Variants in DHX57 observed in about 807,000 individuals in gnomAD.
DHX57 encodes DExH-box helicase 57, also known as putative ATP-dependent RNA helicase DHX57.
A neutral mutation model predicts 156.2 loss-of-function variants in DHX57; 105 were observed. The observed-to-expected ratio is 0.67, with a 90% CI of 0.57 to 0.79. DHX57 has a LOEUF of 0.79. DHX57 is among the 30% of genes least tolerant of loss of function. DHX57 has a pLI of 0.00. For missense variants in DHX57, 1,847 were observed against 1,661.9 expected (o/e 1.11, Z -1.94); for synonymous variants, 704 against 595.6 (o/e 1.18, Z -2.65).
At chr2:38,820,514 A>G (rs1670757797) in intron 17 of DHX57, among the ~76,000 whole-genome samples, 1 of 152,148 alleles carries the variant, frequency 6.6e-6, no homozygotes, top group Admixed American at 6.6e-5. Context: ...GGAAAAGGTA[A>G]TAGAAGTCCT....
intron 16 of DHX57, among the ~76,000 whole-genome samples, chr2:38,824,707 G>T (rs1438160402): frequency 6.6e-6 from 1 of 152,170 alleles, no homozygotes; most frequent in African/African-American, 2.4e-5. Flanking sequence ...GAGTGCAATG[G>T]TATGATCTTG....
chr2:38,808,687 T>C (rs1670080496), intron 21 of DHX57, among the ~76,000 whole-genome samples: 1 of 152,226 alleles, frequency 6.6e-6, no homozygotes, highest in Non-Finnish European at 1.5e-5. Flanking sequence ...TATAAACTTA[T>C]ATTCCCACCC....
rs1673180251 is a variant in DHX57 at position 38,861,176 on chromosome 2, T to C, written c.1234A>G (p.Ile412Val). Residue 412 changes from isoleucine to valine, a missense_variant, in exon 5 of 24, where the codon ATA becomes GTA. Ile to Val is a conservative substitution (Grantham distance 29, BLOSUM62 3). Transcript: ENST00000457308. Reference sequence around the variant, plus strand: ...TCCGACTCTTCCTCTAAAAGGGTTATCAAAGAATATACGACAGGTTCCGAA... The same window carrying C: ...TCCGACTCTTCCTCTAAAAGGGTTACCAAAGAATATACGACAGGTTCCGAA... Reference protein sequence around the residue: ...ETSEPVVYSLITLLEEESEIV... With the variant: ...ETSEPVVYSLVTLLEEESEIV... 1.2e-6 allele frequency: 2 copies of C among 1,614,130 alleles called. No individual in the cohort carries two copies.
intron 11 of DHX57, among the ~76,000 whole-genome samples, chr2:38,846,203 A>C (rs1672279906): frequency 6.6e-6 from 1 of 152,226 alleles, no homozygotes. Flanking sequence ...ATTATGTGCC[A>C]AGCACAGTTC....
intron 21 of DHX57, among the ~76,000 whole-genome samples, chr2:38,807,635 G>A (rs904132397): frequency 6.6e-6 from 1 of 151,636 alleles, no homozygotes; most frequent in East Asian, 2.0e-4. Context: ...GGGATTACAG[G>A]TGTGAGCCAC....
At chr2:38,870,246 T>A (rs917157425) in intron 1 of DHX57, among the ~76,000 whole-genome samples, 4 of 151,694 alleles carry the variant, frequency 2.6e-5, no homozygotes, top group African/African-American at 4.8e-5. Context: ...CATATACATA[T>A]AATGAGAATA....
chr2:38,819,257 C>G (rs967022487), intron 17 of DHX57, 113 bp from the exon 18 acceptor site: 6 of 909,370 alleles, frequency 6.6e-6, no homozygotes, highest in Non-Finnish European at 8.6e-6. Context: ...CCACTGCAAC[C>G]TTTATCTCCC....
chr2:38,804,532 T>C (rs912395674), intron 22 of DHX57, among the ~76,000 whole-genome samples: 6 of 151,848 alleles, frequency 4.0e-5, no homozygotes, highest in African/African-American at 1.5e-4. Flanking sequence ...ACAAAAACAA[T>C]AAGTCCAATT....
chr2:38,814,727 T>TA (rs1670437528), intron 20 of DHX57, among the ~76,000 whole-genome samples: 1 of 98,234 alleles, frequency 1.0e-5, no homozygotes, highest in Non-Finnish European at 2.4e-5. Context: ...CAGAAAACCC[T>TA]GTTTTTTTTT....
At chr2:38,827,817 A>T (rs1347170310) in intron 14 of DHX57, among the ~76,000 whole-genome samples, 3 of 151,974 alleles carry the variant, frequency 2.0e-5, no homozygotes, top group Non-Finnish European at 4.4e-5. Context: ...GGGCTCTGAC[A>T]TCTAAAATTA....
At chr2:38,872,437 T>C (rs573302620) in intron 1 of DHX57, among the ~76,000 whole-genome samples, 5 of 152,256 alleles carry the variant, frequency 3.3e-5, no homozygotes, top group East Asian at 3.9e-4. Flanking sequence ...AAGACAGAGA[T>C]TGTCAGACTT....
intron 14 of DHX57, among the ~76,000 whole-genome samples, chr2:38,827,712 G>T (rs1671174708): frequency 6.6e-6 from 1 of 151,334 alleles, no homozygotes; most frequent in Non-Finnish European, 1.5e-5. Context: ...TCTTGCTCCT[G>T]GAATAGGAAC....
Position 38,875,817 on chromosome 2 carries a change from T to C in DHX57, c.-37A>G, listed in dbSNP as rs920962059. 5 of 387,902 alleles carry C rather than the reference T, an allele frequency of 1.3e-5. No individual in the cohort carries two copies. The highest frequency in any genetic ancestry group is 2.3e-5 in the Non-Finnish European group (5 of 219,786). The allele number at this position is 387,902 out of a possible 1,614,324, so 24.0% of individuals were successfully genotyped here. On this transcript the variant is annotated 5_prime_UTR_variant, in exon 1 of 24. Transcript: ENST00000457308. ...TCGCAGAGTTGGGTCCCGAGCCGGC[T>C]GTCGGGAGGTGCTGCCCAAGGGTCA... is the stretch of plus-strand genomic sequence containing the variant.
chr2:38,862,469 A>G, intron 3 of DHX57, 136 bp from the exon 4 acceptor site: 1 of 815,114 alleles, frequency 1.2e-6, no homozygotes, highest in Admixed American at 3.6e-5. Context: ...ATATTGAACT[A>G]TTAATTTATA....
chr2:38,862,211 A>G lies in DHX57; in HGVS notation c.506T>C (p.Leu169Ser). The stretch of plus-strand genomic sequence containing the variant: ...TGGAACATAAGGCTCCACTGAGGCT[A>G]AGCCAGCATATTCCAAAGGATCCAA... Reference protein sequence around the residue: ...PDLDPLEYAGLASVEPYVPEF... With the variant: ...PDLDPLEYAGSASVEPYVPEF... The change falls in exon 4 of 24, where the codon TTA becomes TCA. Residue 169 changes from leucine (L) to serine (S), a missense_variant. By Grantham distance (145) the Leu-to-Ser change is moderately radical (BLOSUM62 -2). Coordinates refer to ENST00000457308, the MANE Select transcript of DHX57 (RefSeq NM_198963.3). 2.5e-6 allele frequency: 4 copies of G among 1,613,964 alleles called. No individual in the cohort carries two copies. Among genetic ancestry groups the G allele is most frequent in the Non-Finnish European group, 3.4e-6 (4 of 1,179,886 alleles).
chr2:38,825,648 T>G (rs1176288482), intron 16 of DHX57, among the ~76,000 whole-genome samples, 199 bp downstream of exon 16: 2 of 152,144 alleles, frequency 1.3e-5, no homozygotes, highest in Non-Finnish European at 2.9e-5. Context: ...TGCTCTGCAA[T>G]GTAAGAGATC....
chr2:38,830,117 T>C lies in DHX57; in HGVS notation c.2543-1681A>G, dbSNP rs189054264. Among the ~76,000 whole-genome samples, 390 of 152,192 alleles carry C rather than the reference T, an allele frequency of 2.6e-3. 1 individual carries two copies. The highest frequency in any genetic ancestry group is 4.0e-3 in the African/African-American group (167 of 41,522). On this transcript the variant is annotated intron_variant, in intron 13 of 23. Coordinates refer to ENST00000457308, the MANE Select transcript of DHX57 (RefSeq NM_198963.3). ...TATGTCAGCTCCATGTGAAGTGCAA[T>C]GGGATATAAAACAAGCATCTGTCAG...
Position 38,798,169 on chromosome 2 carries a change from G to T in DHX57, c.*130C>A. 1 of 1,278,168 alleles carries T rather than the reference G, an allele frequency of 7.8e-7. No homozygotes were observed. Among genetic ancestry groups the T allele is most frequent in the Non-Finnish European group, 1.1e-6 (1 of 928,076 alleles). 79.2% of individuals were successfully genotyped at this position (1,278,168 alleles called of 1,614,324 possible). On this transcript the variant is annotated 3_prime_UTR_variant, in exon 24 of 24. Transcript: ENST00000457308. ...GTATATACACTGCCTCAGCTGCCTTGGGCTTCATGCCCTGGGCTCCTCCAC... is the reference window on the plus strand; with the variant it reads ...GTATATACACTGCCTCAGCTGCCTTTGGCTTCATGCCCTGGGCTCCTCCAC...
intron 1 of DHX57, among the ~76,000 whole-genome samples, chr2:38,873,396 T>G (rs894981582): frequency 6.6e-6 from 1 of 152,226 alleles, no homozygotes; most frequent in Non-Finnish European, 1.5e-5. Context: ...AACTCACAAA[T>G]ATGTGTATAT....
Sources: gnomAD v4.1 joint callset for allele counts (sites outside exome capture counted in the v4.1 genomes callset) on GRCh38, gnomAD v4.1.1 for gene constraint, MANE v1.5 for transcripts, NCBI Gene and HGNC (gene_info 2026-07-23, HGNC 2026-07-21) for gene names.